Variants in SPDL1 observed in about 807,000 individuals in gnomAD.
SPDL1 encodes the protein protein Spindly.
In SPDL1, 85 loss-of-function variants were observed where a neutral mutation model predicts 79.5. The ratio of observed to expected loss-of-function variants is 1.07; its 90% CI spans 0.90 to 1.28. SPDL1 has a LOEUF of 1.28. Among genes scored for constraint, SPDL1 ranks in the 50% most tolerant of loss-of-function variants. SPDL1 has a pLI of 0.00. For synonymous variants in SPDL1, 269 were observed against 240.3 expected (o/e 1.12, Z -1.10); for missense variants, 703 against 697.8 (o/e 1.01, Z -0.08).
chr5:169,592,805 CT>C (rs11301691), intron 3 of SPDL1, among the ~76,000 whole-genome samples: 43,235 of 85,074 alleles, frequency 0.51, 8,192 homozygotes, highest in East Asian at 0.6. Flanking sequence ...ATAGAGATGG[CT>C]TTTTTTTTTT....
At chr5:169,597,186 A>G (rs780283681) in intron 8 of SPDL1, among the ~76,000 whole-genome samples, 4 of 151,920 alleles carry the variant, frequency 2.6e-5, no homozygotes, top group Non-Finnish European at 2.9e-5. Flanking sequence ...CATTTCTTCA[A>G]GGAACATTGG....
Position 169,604,205 on chromosome 5 carries a change from TA to T in SPDL1, c.*1del, listed in dbSNP as rs774037765. ...TCCAGAGACCCAGTGCCCTCAACAG[TA>T]AAGACTTGTCTTTAATAAGAGTACG... ...STPETQCPQQ[*>X] On this transcript the variant is annotated frameshift_variant and stop_lost, in exon 12 of 12. Transcript: ENST00000265295. LOFTEE classifies it high-confidence loss of function. 5.7e-6 allele frequency: 9 copies of T among 1,577,344 alleles called. No homozygotes were observed. The Admixed American group carries it at 5.7e-5, about 10-fold the overall frequency.
At position 169,585,610 on chromosome 5, in the gene SPDL1, A is replaced by G. The variant is rs569484741; in HGVS notation, c.-24+1721A>G. On this transcript the variant is annotated intron_variant, in intron 1 of 11. Coordinates refer to ENST00000265295, the MANE Select transcript of SPDL1 (RefSeq NM_017785.5). ...ATGGCAAATGGTAAATCCTCAACGA[A>G]TGTAAGTTATTGTGAACAGTACAAC... 3.5e-4 allele frequency among the ~76,000 whole-genome samples: 53 copies of G among 152,346 alleles called. 1 individual carries two copies. Among genetic ancestry groups the G allele is most frequent in the African/African-American group, 1.2e-3 (50 of 41,584 alleles).
chr5:169,591,364 G>A, intron 3 of SPDL1, 140 bp downstream of exon 3: 1 of 754,858 alleles, frequency 1.3e-6, no homozygotes, highest in African/African-American at 1.8e-5. Flanking sequence ...AATATTGGGG[G>A]TGGGAACACT....
Position 169,601,745 on chromosome 5 carries a change from C to T in SPDL1, c.1670+120C>T, listed in dbSNP as rs757468830. On this transcript the variant is annotated intron_variant, in intron 11 of 11. Transcript: ENST00000265295. ...CTTACAATTGCATGCAGTATAATTC[C>T]TCAGTTTCATCTACCTACCTTCAAC... The T allele has an allele frequency of 3.1e-6, 3 of 966,422 alleles. No individual in the cohort carries two copies. The South Asian group carries it at 4.2e-5, about 13-fold the overall frequency. 59.9% of individuals were successfully genotyped at this position (966,422 alleles called of 1,614,324 possible). A position where few individuals can be genotyped will look rare whatever the true frequency, so the allele number is the denominator to read the frequency against.
rs774279148 is a variant in SPDL1 at position 169,591,119 on chromosome 5, C to G, written c.231C>G (p.Ser77Arg). 27 of 1,613,832 alleles carry G rather than the reference C, an allele frequency of 1.7e-5. No homozygotes were observed. Among genetic ancestry groups the G allele is most frequent in the Non-Finnish European group, 2.1e-5 (25 of 1,179,948 alleles). Residue 77 changes from serine to arginine, a missense_variant, in exon 3 of 12, where the codon AGC (serine) becomes AGG (arginine). Coordinates refer to ENST00000265295, the MANE Select transcript of SPDL1 (RefSeq NM_017785.5). The stretch of plus-strand genomic sequence containing the variant: ...AGAGTCGAATGTTAGAAAGTTTGAG[C>G]TGCGAATGTGAAGCTATTAAACAAC... ...ELKSRMLESL[S>R]CECEAIKQQQ...
chr5:169,591,127 G>A lies in SPDL1; in HGVS notation c.239G>A (p.Cys80Tyr). The A allele has an allele frequency of 7.4e-6, 12 of 1,614,028 alleles. No homozygotes were observed. The highest frequency in any genetic ancestry group is 1.0e-5 in the Non-Finnish European group (12 of 1,179,944). Residue 80 changes from cysteine to tyrosine, a missense_variant, in exon 3 of 12, where the codon TGT (cysteine) becomes TAT (tyrosine). Transcript: ENST00000265295. The stretch of plus-strand genomic sequence containing the variant: ...ATGTTAGAAAGTTTGAGCTGCGAAT[G>A]TGAAGCTATTAAACAACAACAAAAA... ...SRMLESLSCE[C>Y]EAIKQQQKMH...
chr5:169,587,640 A>G (rs1337738028), intron 1 of SPDL1, among the ~76,000 whole-genome samples: 2 of 152,144 alleles, frequency 1.3e-5, no homozygotes, highest in African/African-American at 2.4e-5. Context: ...TACAGACATG[A>G]TATTTCTTAC....
At position 169,594,556 on chromosome 5, in the gene SPDL1, GTTAATA is replaced by G; in HGVS notation, c.781-12_781-7del. ...ATTTACTACCAGAACAATTAAGCAT[GTTAATA>G]TTTTGTAGGTGGAAGATCGAAGGGC... On this transcript the variant is annotated splice_polypyrimidine_tract_variant and intron_variant, in intron 6 of 11. Coordinates refer to ENST00000265295, the MANE Select transcript of SPDL1 (RefSeq NM_017785.5). 6.2e-7 allele frequency: 1 copy of G among 1,612,220 alleles called. No homozygotes were observed. Among genetic ancestry groups the G allele is most frequent in the Non-Finnish European group, 8.5e-7 (1 of 1,178,296 alleles).
chr5:169,601,358 T>A lies in SPDL1; in HGVS notation c.1403T>A (p.Val468Asp). The change falls in exon 11 of 12, where the codon GTC becomes GAC. Residue 468 changes from valine to aspartate, a missense_variant. Transcript: ENST00000265295. ...VDITTAKDACVNNSALGGEVY... is the reference protein window; with the variant it reads ...VDITTAKDACDNNSALGGEVY... ...ATAACCACCGCTAAAGATGCATGTG[T>A]CAACAACAGTGCTCTCGGGGGAGAA... is the stretch of plus-strand genomic sequence containing the variant. 6.2e-7 allele frequency: 1 copy of A among 1,613,948 alleles called. No individual in the cohort carries two copies. Among genetic ancestry groups the A allele is most frequent in the Non-Finnish European group, 8.5e-7 (1 of 1,179,966 alleles).
At chr5:169,596,999 A>G (rs1277480258) in intron 8 of SPDL1, among the ~76,000 whole-genome samples, 1 of 152,194 alleles carries the variant, frequency 6.6e-6, no homozygotes, top group Non-Finnish European at 1.5e-5. Flanking sequence ...CATTTATATC[A>G]GTATAGCCTC....
chr5:169,599,463 ATAGT>A (rs1210442043), intron 10 of SPDL1, among the ~76,000 whole-genome samples: 2 of 152,184 alleles, frequency 1.3e-5, no homozygotes, highest in African/African-American at 4.8e-5. Flanking sequence ...GTCATACCTA[ATAGT>A]TTAATTATGT....
At chr5:169,585,248 C>T (rs991681674) in intron 1 of SPDL1, among the ~76,000 whole-genome samples, 4 of 151,482 alleles carry the variant, frequency 2.6e-5, no homozygotes, top group Non-Finnish European at 5.9e-5. Context: ...GCTCAGGTAG[C>T]ATACATCTGT....
chr5:169,598,402 T>C, intron 8 of SPDL1, 74 bp from the exon 9 acceptor site: 1 of 913,536 alleles, frequency 1.1e-6, no homozygotes, highest in Non-Finnish European at 1.8e-6. Flanking sequence ...GAAGTGATGG[T>C]GCTATTATTA....
At chr5:169,603,965 C>A in intron 11 of SPDL1, 95 bp from the exon 12 acceptor site, 2 of 1,356,624 alleles carry the variant, frequency 1.5e-6, no homozygotes, top group Non-Finnish European at 2.0e-6. Flanking sequence ...TCCTTGAATA[C>A]CATGCCTTAT....
intron 11 of SPDL1, among the ~76,000 whole-genome samples, chr5:169,602,781 C>T (rs1756002187): frequency 6.6e-6 from 1 of 152,110 alleles, no homozygotes; most frequent in Non-Finnish European, 1.5e-5. Flanking sequence ...AAAAGCTTAC[C>T]ATTCTTAAGG....
chr5:169,594,127 T>A lies in SPDL1; in HGVS notation c.532-18T>A. ...ATTATTCAAGAGAATTTCCTCCTTT[T>A]CAATTCCTGTTAAATAGACCACCCT... is the stretch of plus-strand genomic sequence containing the variant. On this transcript the variant is annotated intron_variant, in intron 4 of 11. Coordinates refer to ENST00000265295, the MANE Select transcript of SPDL1 (RefSeq NM_017785.5). 6.3e-7 allele frequency: 1 copy of A among 1,582,196 alleles called. No homozygotes were observed. Among genetic ancestry groups the A allele is most frequent in the Non-Finnish European group, 8.6e-7 (1 of 1,167,900 alleles).
rs139510323 is a variant in SPDL1 at position 169,594,287 on chromosome 5, C to T, written c.674C>T (p.Ala225Val). ...REKEAVSYYN[A>V]LEKARVANQD... ...AAAGAAGCAGTTTCTTACTATAATG[C>T]CCTAGAGGTACTATGATTACAGTAA... The change falls in exon 5 of 12, where the codon GCC becomes GTC. Residue 225 changes from alanine to valine, a missense_variant. Ala to Val is a moderately conservative substitution (Grantham distance 64, BLOSUM62 0). Transcript: ENST00000265295. 312 of 1,613,556 alleles carry T rather than the reference C, an allele frequency of 1.9e-4. 1 individual carries two copies. Among genetic ancestry groups the T allele is most frequent in the Non-Finnish European group, 2.4e-4 (288 of 1,179,766 alleles).
chr5:169,586,138 T>A (rs1387927384), intron 1 of SPDL1: 1 of 152,300 alleles, frequency 6.6e-6, no homozygotes, highest in Non-Finnish European at 1.5e-5. Flanking sequence ...GCTTGCTATC[T>A]TTATCTCCTA....
Sources: gnomAD v4.1 joint callset for allele counts (sites outside exome capture counted in the v4.1 genomes callset) on GRCh38, gnomAD v4.1.1 for gene constraint, MANE v1.5 for transcripts, NCBI Gene and HGNC (gene_info 2026-07-23, HGNC 2026-07-21) for gene names.